The following TENM2 variants were observed in gnomAD, a reference collection of about 807,000 sequenced individuals.
TENM2 encodes teneurin transmembrane protein 2, also known as teneurin-2.
TENM2 carries 52 observed loss-of-function variants against 245.2 expected under a neutral mutation model. The ratio of observed to expected loss-of-function variants is 0.21; its 90% CI spans 0.17 to 0.27. The LOEUF (loss-of-function observed/expected upper bound fraction) is 0.27. Ranked by LOEUF, TENM2 falls within the 10% of genes least tolerant of loss-of-function variation. The pLI is 1.00. For synonymous variants in TENM2, 1,363 were observed against 1,438.9 expected, an observed-to-expected ratio of 0.95 and a Z score of 1.19; for missense variants, 3,046 against 3,666.8, an observed-to-expected ratio of 0.83 and a Z score of 4.37.
intron 5 of TENM2, among the ~76,000 whole-genome samples, chr5:168,001,312 G>A (rs1003810866): frequency 3.3e-5 from 5 of 152,212 alleles, no homozygotes; most frequent in African/African-American, 7.2e-5. Flanking sequence ...CCCTGAAATC[G>A]AGAGAACTGA....
chr5:167,442,429 GT>G (rs1764926982), intron 2 of TENM2, among the ~76,000 whole-genome samples: 1 of 152,110 alleles, frequency 6.6e-6, no homozygotes, highest in African/African-American at 2.4e-5. Flanking sequence ...TTATAGAACA[GT>G]TTTTAATGTT....
At chr5:167,249,879 A>T in the TENM2 span, among the ~76,000 whole-genome samples, 2 of 152,290 alleles carry the variant, frequency 1.3e-5, no homozygotes, top group Middle Eastern at 3.4e-3. Flanking sequence ...CCCTGCCCCT[A>T]GAAGACTGCC....
rs72824967 is a variant in TENM2, at chr5:167,994,974, C to T, written c.1186+1792C>T. On this transcript the variant is annotated intron_variant, in intron 5 of 28. Coordinates refer to ENST00000518659, the Ensembl canonical transcript of TENM2. ...CGTGGAAGCAAATTGAATGTGCCTT[C>T]GGGGTCTTTTCATGATTTGGTTTTG... Among the ~76,000 whole-genome samples, 1,116 of 152,252 alleles carry T rather than the reference C, an allele frequency of 7.3e-3. 8 individuals are homozygous for T. Among genetic ancestry groups the T allele is most frequent in the Non-Finnish European group, 0.012 (817 of 68,018 alleles).
chr5:167,654,840 C>G (rs1750092139), intron 2 of TENM2, among the ~76,000 whole-genome samples: 1 of 152,050 alleles, frequency 6.6e-6, no homozygotes, highest in Admixed American at 6.5e-5. Flanking sequence ...TTATACAACT[C>G]ATTATCTAGG....
chr5:168,023,489 T>A (rs1165045428), intron 5 of TENM2, among the ~76,000 whole-genome samples: 2 of 152,138 alleles, frequency 1.3e-5, no homozygotes, highest in Non-Finnish European at 2.9e-5. Flanking sequence ...ACTAAGTGGC[T>A]CCTCTCACTG....
At chr5:167,466,775 C>T (rs1766680379) in intron 2 of TENM2, among the ~76,000 whole-genome samples, 1 of 151,944 alleles carries the variant, frequency 6.6e-6, no homozygotes, top group African/African-American at 2.4e-5. Flanking sequence ...ATAAGTAATA[C>T]AAATTTGGCC....
intron 12 of TENM2, among the ~76,000 whole-genome samples, chr5:168,141,748 C>A (rs1305763433): frequency 6.6e-6 from 1 of 152,082 alleles, no homozygotes; most frequent in Admixed American, 6.5e-5. Flanking sequence ...ATTTTTGTTG[C>A]CTTGGGAGAA....
intron 2 of TENM2, among the ~76,000 whole-genome samples, chr5:167,536,566 T>G (rs561702818): frequency 1.3e-5 from 2 of 152,134 alleles, no homozygotes; most frequent in South Asian, 4.1e-4. Context: ...GTTTTCTCAC[T>G]CCTAGAACTC....
At chr5:168,156,257 A>AAAAAAC (rs1463060981) in intron 12 of TENM2, among the ~76,000 whole-genome samples, 1 of 145,414 alleles carries the variant, frequency 6.9e-6, no homozygotes, top group East Asian at 2.0e-4. Flanking sequence ...TAAAAAAAAA[A>AAAAAAC]AAAAAAAAAC....
chr5:168,100,391 C>T (rs2152282834), intron 9 of TENM2, among the ~76,000 whole-genome samples: 1 of 152,136 alleles, frequency 6.6e-6, no homozygotes, highest in East Asian at 1.9e-4. Flanking sequence ...GGGTATATAC[C>T]CAAAGGATTA....
intron 2 of TENM2, among the ~76,000 whole-genome samples, chr5:167,665,761 A>G (rs537651140): frequency 1.3e-5 from 2 of 152,270 alleles, no homozygotes; most frequent in Admixed American, 6.5e-5. Context: ...ATAAAATTGA[A>G]TGTTTATTTT....
chr5:168,067,419 C>A (rs1169483510), intron 7 of TENM2, among the ~76,000 whole-genome samples: 2 of 152,144 alleles, frequency 1.3e-5, no homozygotes, highest in Non-Finnish European at 2.9e-5. Context: ...GCAAATATGG[C>A]AGATTGGGCA....
At chr5:167,328,211 T>G (rs1757207568) in intron 1 of TENM2, among the ~76,000 whole-genome samples, 1 of 147,598 alleles carries the variant, frequency 6.8e-6, no homozygotes, top group African/African-American at 2.5e-5. Flanking sequence ...ATCGTTTTTT[T>G]TTTTTTTTTT....
chr5:167,392,594 C>T (rs529930695), intron 2 of TENM2, among the ~76,000 whole-genome samples: 6 of 152,220 alleles, frequency 3.9e-5, no homozygotes, highest in South Asian at 4.2e-4. Flanking sequence ...AACTACACTA[C>T]GGGTTTTCCC....
At chr5:167,030,012 A>G in the TENM2 span, among the ~76,000 whole-genome samples, 4 of 152,314 alleles carry the variant, frequency 2.6e-5, no homozygotes, top group East Asian at 7.7e-4. Flanking sequence ...GATTTTGACA[A>G]AAGCAGTCAG....
intron 2 of TENM2, among the ~76,000 whole-genome samples, chr5:167,670,246 C>T (rs1755845213): frequency 6.6e-6 from 1 of 152,104 alleles, no homozygotes; most frequent in Non-Finnish European, 1.5e-5. Flanking sequence ...AGAGGGAGCG[C>T]TTTGTGATCC....
At chr5:167,181,560 A>G in the TENM2 span, among the ~76,000 whole-genome samples, 1 of 151,240 alleles carries the variant, frequency 6.6e-6, no homozygotes, top group Non-Finnish European at 1.5e-5. Context: ...TAACAGATAT[A>G]CTGTTGTGTA....
At chr5:167,249,534 A>C in the TENM2 span, among the ~76,000 whole-genome samples, 2 of 151,328 alleles carry the variant, frequency 1.3e-5, no homozygotes, top group East Asian at 3.9e-4. Context: ...TTATCCACCT[A>C]CTCTGTGCCA....
chr5:167,872,130 A>C (rs1360879692), intron 2 of TENM2, among the ~76,000 whole-genome samples: 1 of 151,780 alleles, frequency 6.6e-6, no homozygotes, highest in African/African-American at 2.4e-5. Flanking sequence ...CCTTCTATAC[A>C]AAAAATACAA....
Sources: allele counts gnomAD v4.1 joint callset (sites outside exome capture counted in the v4.1 genomes callset), GRCh38; gene constraint gnomAD v4.1.1; transcripts MANE v1.5; gene names NCBI Gene and HGNC (gene_info 2026-07-23, HGNC 2026-07-21).